The following SLC1A7 variants were observed in gnomAD, a reference collection of about 807,000 sequenced individuals.
SLC1A7 encodes solute carrier family 1 member 7, also known as excitatory amino acid transporter 5.
Under a neutral mutation model 47.7 loss-of-function variants are expected in SLC1A7, and 40 were observed. The observed-to-expected ratio is 0.84, with a 90% CI of 0.65 to 1.09. The LOEUF (loss-of-function observed/expected upper bound fraction) is 1.09, where lower values mean the gene tolerates loss of function less well. Among genes scored for constraint, SLC1A7 ranks in the 50% least tolerant of loss-of-function variants. The probability of loss-of-function intolerance (pLI) is 0.00; values close to 1 mark genes in which losing one functional copy is unlikely to be tolerated. For synonymous variants in SLC1A7, 323 were observed against 325.6 expected (o/e 0.99, Z 0.09); for missense variants, 746 against 769.5 (o/e 0.97, Z 0.36).
In SLC1A7 at chr1:53,142,493, C is replaced by A; in HGVS notation, c.-44G>T. ...GCAAGGGGCACAGCACCATTCCACGCATGAGAGCCCGGCCGGGGGCACAGG... is the reference window on the plus strand; with the variant it reads ...GCAAGGGGCACAGCACCATTCCACGAATGAGAGCCCGGCCGGGGGCACAGG... On this transcript the variant is annotated 5_prime_UTR_variant, in exon 1 of 11. The change abolishes an upstream ATG in the 5' untranslated region. Coordinates refer to ENST00000371494, the MANE Select transcript of SLC1A7 (RefSeq NM_006671.6). The A allele has an allele frequency of 6.3e-7, 1 of 1,599,966 alleles. No individual in the cohort carries two copies. Among genetic ancestry groups the A allele is most frequent in the Non-Finnish European group, 8.5e-7 (1 of 1,173,368 alleles).
At chr1:53,139,013 C>G (rs1364231805) in intron 1 of SLC1A7, among the ~76,000 whole-genome samples, 1 of 152,198 alleles carries the variant, frequency 6.6e-6, no homozygotes, top group Non-Finnish European at 1.5e-5. Context: ...CCACTTTTCT[C>G]TTTGTTTCTC....
chr1:53,092,002 G>C (rs944802863), intron 7 of SLC1A7, among the ~76,000 whole-genome samples: 1 of 152,192 alleles, frequency 6.6e-6, no homozygotes, highest in African/African-American at 2.4e-5. Context: ...GGAGGGGCTC[G>C]ACCTCCACTG....
intron 2 of SLC1A7, among the ~76,000 whole-genome samples, chr1:53,129,436 C>T (rs968616830): frequency 2.6e-5 from 4 of 152,264 alleles, no homozygotes; most frequent in Middle Eastern, 3.4e-3. Context: ...CCCGCCCATG[C>T]TTCCTGCTCC....
chr1:53,107,842 A>G (rs888730816), intron 3 of SLC1A7: 1 of 152,312 alleles, frequency 6.6e-6, no homozygotes, highest in Non-Finnish European at 1.5e-5. Flanking sequence ...GTAAACCAAT[A>G]GACCACAAAA....
At chr1:53,111,287 C>T (rs1026390469) in intron 3 of SLC1A7, among the ~76,000 whole-genome samples, 20 of 152,150 alleles carry the variant, frequency 1.3e-4, no homozygotes, top group South Asian at 6.2e-4. Context: ...GGAAGGACAA[C>T]GAGGCGGGTG....
intron 2 of SLC1A7, among the ~76,000 whole-genome samples, chr1:53,123,668 C>T (rs1017869011): frequency 2.0e-5 from 3 of 152,200 alleles, no homozygotes; most frequent in Non-Finnish European, 4.4e-5. Context: ...TGGATGGAGC[C>T]TCGAAGGCCA....
Position 53,134,424 on chromosome 1 carries a change from A to C in SLC1A7, c.141T>G (p.Ile47Met). ...LRTRRLSPQE[I>M]SYFQFPGELL... ...GCTCTCCAGGGAACTGGAAGTAACT[A>C]ATTTCCTGAAAACACAGTAAGAACT... is the stretch of plus-strand genomic sequence containing the variant. Residue 47 changes from isoleucine (I) to methionine (M), a missense_variant, in exon 2 of 11, where the codon ATT becomes ATG. Physicochemically the swap from Ile to Met is conservative, Grantham distance 10. Transcript: ENST00000371494. 1 of 1,609,722 alleles carries C rather than the reference A, an allele frequency of 6.2e-7. No individual in the cohort carries two copies. The highest frequency in any genetic ancestry group is 8.5e-7 in the Non-Finnish European group (1 of 1,176,586).
At chr1:53,126,880 T>C (rs374081350) in intron 2 of SLC1A7, among the ~76,000 whole-genome samples, 1 of 143,694 alleles carries the variant, frequency 7.0e-6, no homozygotes, top group Non-Finnish European at 1.5e-5. Context: ...TTTTTTTTTA[T>C]GAGATAAGGT....
intron 5 of SLC1A7, among the ~76,000 whole-genome samples, chr1:53,098,819 G>A (rs189714914): frequency 2.7e-5 from 4 of 148,734 alleles, no homozygotes; most frequent in Non-Finnish European, 6.0e-5. Context: ...CACACACCCT[G>A]CCTTGGTACA....
intron 3 of SLC1A7, among the ~76,000 whole-genome samples, chr1:53,111,322 G>A (rs72907031): frequency 0.029 from 4,409 of 152,248 alleles, 211 homozygotes; most frequent in African/African-American, 0.1. Context: ...GCAGGGAAAG[G>A]GAGAGTTGGG....
chr1:53,094,364 T>C (rs1478863565), intron 5 of SLC1A7, among the ~76,000 whole-genome samples: 1 of 152,160 alleles, frequency 6.6e-6, no homozygotes, highest in African/African-American at 2.4e-5. Flanking sequence ...GGGTGAGCTC[T>C]GTCAGGCCAG....
chr1:53,091,864 C>T (rs1186203579), intron 7 of SLC1A7, among the ~76,000 whole-genome samples: 2 of 152,190 alleles, frequency 1.3e-5, no homozygotes, highest in Non-Finnish European at 2.9e-5. Context: ...CCATAAGGGA[C>T]CACTTCCTTC....
At chr1:53,093,727 G>A (rs1644452772) in intron 5 of SLC1A7, among the ~76,000 whole-genome samples, 167 bp from the exon 6 acceptor site, 1 of 51,194 alleles carries the variant, frequency 2.0e-5, no homozygotes, top group South Asian at 6.8e-4. Context: ...CGATCCCACA[G>A]TGCTCTCACG....
chr1:53,131,702 A>G (rs1644943377), intron 2 of SLC1A7, among the ~76,000 whole-genome samples: 1 of 152,276 alleles, frequency 6.6e-6, no homozygotes, highest in African/African-American at 2.4e-5. Context: ...GACCAGTATT[A>G]ATGAGCACCT....
intron 3 of SLC1A7, among the ~76,000 whole-genome samples, chr1:53,113,998 C>G (rs1041810127): frequency 9.9e-5 from 15 of 152,168 alleles, no homozygotes; most frequent in Admixed American, 7.9e-4. Context: ...CCCCAGCTTC[C>G]CCATTGCAGC....
chr1:53,122,033 G>A (rs1181410418), intron 2 of SLC1A7, among the ~76,000 whole-genome samples: 1 of 152,042 alleles, frequency 6.6e-6, no homozygotes, highest in African/African-American at 2.4e-5. Context: ...TGGGGGGCAG[G>A]TGCTGTGTGG....
intron 5 of SLC1A7, among the ~76,000 whole-genome samples, chr1:53,095,746 C>T (rs1027973775): frequency 2.6e-4 from 39 of 149,616 alleles, no homozygotes; most frequent in Non-Finnish European, 7.4e-5. Flanking sequence ...CACTCAACTG[C>T]CTCGGTACAC....
chr1:53,134,121 A>G (rs953145517), intron 2 of SLC1A7, among the ~76,000 whole-genome samples: 2 of 152,100 alleles, frequency 1.3e-5, no homozygotes, highest in African/African-American at 2.4e-5. Context: ...GTTGATTCCA[A>G]ATCACCTGTT....
chr1:53,099,542 A>G (rs941286021), intron 5 of SLC1A7, among the ~76,000 whole-genome samples: 1 of 89,664 alleles, frequency 1.1e-5, no homozygotes, highest in African/African-American at 4.1e-5. Context: ...ACACCCCACC[A>G]CAATACCCTC....
Sources: allele counts gnomAD v4.1 joint callset (sites outside exome capture counted in the v4.1 genomes callset), GRCh38; gene constraint gnomAD v4.1.1; transcripts MANE v1.5; gene names NCBI Gene and HGNC (gene_info 2026-07-23, HGNC 2026-07-21).